GUCY1A2: variants seen among roughly 807,000 people sequenced by gnomAD.
GUCY1A2 encodes guanylate cyclase 1 soluble subunit alpha 2, also known as guanylate cyclase soluble subunit alpha-2.
GUCY1A2 carries 27 observed loss-of-function variants against 63.5 expected under a neutral mutation model. The observed-to-expected ratio is 0.43, with a 90% confidence interval of 0.31 to 0.59. GUCY1A2 has a LOEUF of 0.59. GUCY1A2 is among the 20% of genes least tolerant of loss of function. The pLI is 0.11. For missense variants in GUCY1A2, 768 were observed against 913.3 expected, an observed-to-expected ratio of 0.84 and a Z score of 2.05; for synonymous variants, 364 against 343.5, an observed-to-expected ratio of 1.06 and a Z score of -0.66.
In GUCY1A2 at chr11:107,017,973, T is replaced by G. The variant is rs1861850829; in HGVS notation, c.83A>C (p.Glu28Ala). The change falls in exon 1 of 8, where the codon GAG becomes GCG. Residue 28 changes from glutamate (E) to alanine (A), a missense_variant. By Grantham distance (107) the Glu-to-Ala change is moderately radical. Transcript: ENST00000526355. Reference protein sequence around the residue: ...YLETSPEEEGECPLSRLCWNG... With the variant: ...YLETSPEEEGACPLSRLCWNG... ...CCAGCAGAGCCTAGACAGGGGGCACTCCCCCTCCTCCTCCGGGCTGGTCTC... is the reference window on the plus strand; with the variant it reads ...CCAGCAGAGCCTAGACAGGGGGCACGCCCCCTCCTCCTCCGGGCTGGTCTC... The G allele has an allele frequency of 1.4e-6, 2 of 1,441,358 alleles. No individual in the cohort carries two copies. Among genetic ancestry groups the G allele is most frequent in the Admixed American group, 2.1e-5 (1 of 46,898 alleles). 89.3% of individuals were successfully genotyped at this position (1,441,358 alleles called of 1,614,324 possible).
At chr11:106,984,300 G>T (rs1861374232) in intron 2 of GUCY1A2, among the ~76,000 whole-genome samples, 1 of 152,162 alleles carries the variant, frequency 6.6e-6, no homozygotes, top group Non-Finnish European at 1.5e-5. Context: ...CAAACTCTCT[G>T]TTTTCTTTAT....
intron 6 of GUCY1A2, among the ~76,000 whole-genome samples, chr11:106,739,597 G>T (rs146433623): frequency 1.9e-4 from 29 of 152,298 alleles, no homozygotes; most frequent in South Asian, 4.1e-4. Flanking sequence ...ATTCAAACCT[G>T]TGGAGGATAC....
chr11:106,758,441 C>T (rs1852990789), intron 6 of GUCY1A2, among the ~76,000 whole-genome samples: 1 of 152,176 alleles, frequency 6.6e-6, no homozygotes. Flanking sequence ...TCCCCCACCC[C>T]TTACACTTCA....
intron 4 of GUCY1A2, among the ~76,000 whole-genome samples, chr11:106,819,409 T>C (rs962123948): frequency 1.3e-5 from 2 of 152,110 alleles, no homozygotes; most frequent in African/African-American, 4.8e-5. Context: ...GACGAGTCAA[T>C]CGATGCAGCA....
chr11:106,731,008 C>T (rs371209202), intron 6 of GUCY1A2, among the ~76,000 whole-genome samples: 14 of 151,956 alleles, frequency 9.2e-5, no homozygotes, highest in African/African-American at 3.4e-4. Flanking sequence ...TTACAGATTC[C>T]AGATATTAGA....
intron 4 of GUCY1A2, among the ~76,000 whole-genome samples, chr11:106,867,673 A>C (rs1859614178): frequency 6.6e-6 from 1 of 152,084 alleles, no homozygotes. Flanking sequence ...TAAGAACAAA[A>C]TTCAAGCTTA....
chr11:106,966,090 G>A (rs1429989644), intron 3 of GUCY1A2, among the ~76,000 whole-genome samples: 1 of 151,790 alleles, frequency 6.6e-6, no homozygotes, highest in African/African-American at 2.4e-5. Flanking sequence ...ACATTCCACT[G>A]GCTTATTTTT....
chr11:106,730,684 A>C (rs897947271), intron 6 of GUCY1A2, among the ~76,000 whole-genome samples: 1 of 152,160 alleles, frequency 6.6e-6, no homozygotes, highest in Non-Finnish European at 1.5e-5. Context: ...TCTCTGAGGA[A>C]TCACCACACT....
Position 106,679,507 on chromosome 11 carries a change from C to G in GUCY1A2, c.*8042G>C. On this transcript the variant is annotated 3_prime_UTR_variant, in exon 8 of 8. Transcript: ENST00000526355. ...ATTTCAGGACACAAAATAAATATTT[C>G]CTATTATTTGTGATTAAATTTTTCA... 5.0e-6 allele frequency: 1 copy of G among 198,852 alleles called. No individual in the cohort carries two copies. Among genetic ancestry groups the G allele is most frequent in the Non-Finnish European group, 1.0e-5 (1 of 96,266 alleles). The allele number at this position is 198,852 out of a possible 1,614,324, so 12.3% of individuals were successfully genotyped here. A position where few individuals can be genotyped will look rare whatever the true frequency, so the allele number is the denominator to read the frequency against.
rs569161199 is a variant in GUCY1A2, at chr11:106,945,422, C to A, written c.488-5244G>T. Among the ~76,000 whole-genome samples the A allele has an allele frequency of 3.3e-5, 5 of 151,036 alleles. No homozygotes were observed. In the South Asian group the frequency reaches 1.1e-3, roughly 32 times the overall value. On this transcript the variant is annotated intron_variant, in intron 3 of 7. Transcript: ENST00000526355. Reference sequence around the variant, plus strand: ...AAACAAAACAAAAAAACACATTAATCGATCAAGAAATCACTCAGAATGAAG... The same window carrying A: ...AAACAAAACAAAAAAACACATTAATAGATCAAGAAATCACTCAGAATGAAG...
chr11:106,832,111 T>A (rs1859058722), intron 4 of GUCY1A2, among the ~76,000 whole-genome samples: 1 of 152,160 alleles, frequency 6.6e-6, no homozygotes, highest in Non-Finnish European at 1.5e-5. Context: ...AGGACAAATA[T>A]GCAGTTGGTT....
chr11:106,901,612 T>G (rs1860134003), intron 4 of GUCY1A2, among the ~76,000 whole-genome samples: 1 of 152,024 alleles, frequency 6.6e-6, no homozygotes, highest in African/African-American at 2.4e-5. Flanking sequence ...TCATTTACAT[T>G]AGGTATATCT....
At chr11:106,774,104 T>C (rs1428482113) in intron 6 of GUCY1A2, among the ~76,000 whole-genome samples, 2 of 152,174 alleles carry the variant, frequency 1.3e-5, no homozygotes, top group African/African-American at 4.8e-5. Context: ...ATTGAATGCC[T>C]TGTCCTTTTC....
chr11:106,934,277 T>C (rs1366296371), intron 4 of GUCY1A2, among the ~76,000 whole-genome samples: 1 of 152,174 alleles, frequency 6.6e-6, no homozygotes, highest in East Asian at 1.9e-4. Flanking sequence ...TGCTAATGTA[T>C]AGAGAAAGCT....
chr11:106,927,923 T>C (rs760380015), intron 4 of GUCY1A2, among the ~76,000 whole-genome samples: 7 of 152,090 alleles, frequency 4.6e-5, no homozygotes, highest in Admixed American at 6.5e-5. Context: ...ATTAAACTAC[T>C]GAAAAATAGC....
intron 6 of GUCY1A2, among the ~76,000 whole-genome samples, chr11:106,719,497 A>C (rs767086429): frequency 1.3e-5 from 2 of 152,182 alleles, no homozygotes; most frequent in Non-Finnish European, 2.9e-5. Context: ...CAGAAGTATA[A>C]GAAAAAAAGG....
At chr11:106,713,141 A>G (rs1565266452) in intron 6 of GUCY1A2, among the ~76,000 whole-genome samples, 1 of 152,160 alleles carries the variant, frequency 6.6e-6, no homozygotes, top group South Asian at 2.1e-4. Flanking sequence ...AGCTAGGACA[A>G]TCATAGGGCT....
At chr11:106,775,558 T>A (rs1047223101) in intron 6 of GUCY1A2, among the ~76,000 whole-genome samples, 1 of 152,090 alleles carries the variant, frequency 6.6e-6, no homozygotes, top group Non-Finnish European at 1.5e-5. Context: ...GCCTAATAGT[T>A]TTTTAAAAAT....
At chr11:106,970,149 A>C (rs753756370) in intron 3 of GUCY1A2, among the ~76,000 whole-genome samples, 53 of 152,256 alleles carry the variant, frequency 3.5e-4, no homozygotes, top group Admixed American at 3.3e-3. Flanking sequence ...GGGGGTTAGG[A>C]GAGCATAACG....
Sources: gnomAD v4.1 joint callset for allele counts (sites outside exome capture counted in the v4.1 genomes callset) on GRCh38, gnomAD v4.1.1 for gene constraint, MANE v1.5 for transcripts, NCBI Gene and HGNC (gene_info 2026-07-23, HGNC 2026-07-21) for gene names.